Variants in MAP2K6 observed in about 807,000 individuals in gnomAD.
MAP2K6 encodes mitogen-activated protein kinase kinase 6, also known as dual specificity mitogen-activated protein kinase kinase 6.
MAP2K6 carries 16 observed loss-of-function variants against 53.7 expected under a neutral mutation model. The ratio of observed to expected loss-of-function variants is 0.30; its 90% CI spans 0.20 to 0.45. The LOEUF (loss-of-function observed/expected upper bound fraction) is 0.45. MAP2K6 is among the 20% of genes least tolerant of loss of function. The pLI is 1.00. For synonymous variants in MAP2K6, 132 were observed against 143.1 expected (o/e 0.92, Z 0.55); for missense variants, 204 against 411.9 (o/e 0.50, Z 4.37).
At chr17:69,439,416 A>G (rs920824841) in intron 1 of MAP2K6, among the ~76,000 whole-genome samples, 8 of 152,316 alleles carry the variant, frequency 5.3e-5, no homozygotes, top group Non-Finnish European at 7.3e-5. Context: ...AGAAATAACA[A>G]TATTACCATT....
chr17:69,529,860 C>T (rs569684636), intron 10 of MAP2K6, among the ~76,000 whole-genome samples: 13 of 152,192 alleles, frequency 8.5e-5, no homozygotes, highest in African/African-American at 2.4e-4. Flanking sequence ...TTCCAGATAC[C>T]GGCATCATTG....
chr17:69,443,344 C>T (rs1464264829), intron 1 of MAP2K6, among the ~76,000 whole-genome samples: 7 of 152,144 alleles, frequency 4.6e-5, no homozygotes, highest in African/African-American at 1.4e-4. Context: ...CAGTGTAAGG[C>T]GCCATGGAGG....
At chr17:69,428,888 T>C (rs1430124363) in intron 1 of MAP2K6, among the ~76,000 whole-genome samples, 2 of 146,292 alleles carry the variant, frequency 1.4e-5, no homozygotes, top group African/African-American at 5.2e-5. Context: ...TAATTGTTAA[T>C]GACAGACTGG....
chr17:69,480,274 AC>A (rs1908305123), intron 1 of MAP2K6, among the ~76,000 whole-genome samples: 1 of 152,042 alleles, frequency 6.6e-6, no homozygotes, highest in African/African-American at 2.4e-5. Flanking sequence ...CATGGCAGCA[AC>A]CCTTATTGCT....
intron 4 of MAP2K6, among the ~76,000 whole-genome samples, chr17:69,518,793 T>C (rs1389483375): frequency 1.3e-5 from 2 of 152,252 alleles, no homozygotes; most frequent in African/African-American, 4.8e-5. Context: ...CATTTCCTAG[T>C]GTGACAGATT....
chr17:69,525,377 G>C (rs561879417), intron 9 of MAP2K6, among the ~76,000 whole-genome samples: 1 of 152,180 alleles, frequency 6.6e-6, no homozygotes, highest in African/African-American at 2.4e-5. Context: ...TGATAGGGCC[G>C]TGTTATCCAG....
intron 3 of MAP2K6, 130 bp downstream of exon 3, chr17:69,517,033 T>C (rs1422452401): frequency 1.4e-6 from 1 of 697,994 alleles, no homozygotes; most frequent in African/African-American, 1.8e-5. Flanking sequence ...TAAAGGGAAG[T>C]GGTATGCAAA....
At chr17:69,430,866 C>T (rs560952007) in intron 1 of MAP2K6, among the ~76,000 whole-genome samples, 13 of 152,306 alleles carry the variant, frequency 8.5e-5, no homozygotes, top group African/African-American at 2.2e-4. Context: ...ATAGAAGAAA[C>T]GCAAGTGCTA....
In MAP2K6 at chr17:69,480,616, A is replaced by C. The variant is rs1908317521; in HGVS notation, c.17-25164A>C. On this transcript the variant is annotated intron_variant, in intron 1 of 11. Coordinates refer to ENST00000590474, the MANE Select transcript of MAP2K6 (RefSeq NM_002758.4). ...CCTCTTTTTGGATCCTGAAACAAGA[A>C]GCTATAGTGCCATCAGGAATATAGA... Among the ~76,000 whole-genome samples the C allele has an allele frequency of 2.0e-5, 3 of 152,212 alleles. No homozygotes were observed. The South Asian group carries it at 6.2e-4, about 32-fold the overall frequency.
intron 2 of MAP2K6, among the ~76,000 whole-genome samples, chr17:69,510,556 A>G (rs1044881366): frequency 1.8e-4 from 27 of 152,158 alleles, no homozygotes; most frequent in Admixed American, 1.8e-3. Flanking sequence ...GATGTTTGCT[A>G]AAATTCTCCA....
chr17:69,487,936 C>A (rs1470294171), intron 1 of MAP2K6, among the ~76,000 whole-genome samples: 1 of 152,096 alleles, frequency 6.6e-6, no homozygotes, highest in Admixed American at 6.6e-5. Flanking sequence ...ATTACCTCCT[C>A]ATATTTTTGA....
intron 1 of MAP2K6, among the ~76,000 whole-genome samples, chr17:69,420,212 G>T (rs976545778): frequency 6.6e-6 from 1 of 152,132 alleles, no homozygotes; most frequent in East Asian, 1.9e-4. Flanking sequence ...TTACTTTTGG[G>T]CATTCCTGCA....
intron 1 of MAP2K6, among the ~76,000 whole-genome samples, chr17:69,461,992 G>A (rs183188085): frequency 6.6e-6 from 1 of 152,122 alleles, no homozygotes; most frequent in Admixed American, 6.5e-5. Context: ...GTAGAAATTC[G>A]CAAGGAGGCA....
chr17:69,471,962 C>T (rs1489646544), intron 1 of MAP2K6, among the ~76,000 whole-genome samples: 1 of 152,124 alleles, frequency 6.6e-6, no homozygotes, highest in African/African-American at 2.4e-5. Flanking sequence ...CACATCTTCC[C>T]CGCGGGGATG....
chr17:69,469,706 G>A (rs1401381063), intron 1 of MAP2K6, among the ~76,000 whole-genome samples: 2 of 151,996 alleles, frequency 1.3e-5, no homozygotes. Context: ...GAGGTTACAG[G>A]GAATGGAGAT....
chr17:69,489,230 A>G (rs1442566505), intron 1 of MAP2K6, among the ~76,000 whole-genome samples: 1 of 151,774 alleles, frequency 6.6e-6, no homozygotes, highest in Non-Finnish European at 1.5e-5. Context: ...CAAAAAAAAA[A>G]AAAAAAAAAG....
intron 1 of MAP2K6, among the ~76,000 whole-genome samples, chr17:69,424,736 A>G (rs1297945940): frequency 6.6e-6 from 1 of 152,228 alleles, no homozygotes; most frequent in Non-Finnish European, 1.5e-5. Flanking sequence ...ATGGTAATTA[A>G]GAAGGGCTGA....
At chr17:69,435,714 C>T (rs988730927) in intron 1 of MAP2K6, among the ~76,000 whole-genome samples, 1 of 151,912 alleles carries the variant, frequency 6.6e-6, no homozygotes, top group Non-Finnish European at 1.5e-5. Context: ...CTCTGTCGCC[C>T]AGGCTGGAGT....
chr17:69,442,065 G>A (rs1906837051), intron 1 of MAP2K6, among the ~76,000 whole-genome samples: 1 of 152,104 alleles, frequency 6.6e-6, no homozygotes. Flanking sequence ...CTCTCCCTGT[G>A]GGGAGAGGAA....
Sources: gnomAD v4.1 joint callset for allele counts (sites outside exome capture counted in the v4.1 genomes callset) on GRCh38, gnomAD v4.1.1 for gene constraint, MANE v1.5 for transcripts, NCBI Gene and HGNC (gene_info 2026-07-23, HGNC 2026-07-21) for gene names.